The following LVRN variants were observed in gnomAD, a reference collection of about 807,000 sequenced individuals.
The protein encoded by LVRN is laeverin.
LVRN carries 99 observed loss-of-function variants against 111.4 expected under a neutral mutation model. The ratio of observed to expected loss-of-function variants is 0.89; its 90% CI spans 0.76 to 1.05. LVRN has a LOEUF of 1.05. LVRN is among the 50% of genes least tolerant of loss of function. The pLI, the probability that LVRN is intolerant of heterozygous loss-of-function variation, is 0.00. For missense variants in LVRN, 1,414 were observed against 1,206.8 expected (o/e 1.17, Z -2.54); for synonymous variants, 488 against 449.5 (o/e 1.09, Z -1.08).
chr5:115,979,870 G>A (rs904434686), intron 1 of LVRN, among the ~76,000 whole-genome samples: 1 of 152,156 alleles, frequency 6.6e-6, no homozygotes, highest in East Asian at 1.9e-4. Flanking sequence ...GACATACAAA[G>A]TTCATAAAAT....
intron 18 of LVRN, among the ~76,000 whole-genome samples, chr5:116,016,507 T>C (rs1443139113): frequency 6.6e-6 from 1 of 152,204 alleles, no homozygotes; most frequent in Non-Finnish European, 1.5e-5. Context: ...AGTTAGCACT[T>C]AGTTTTTCTG....
intron 6 of LVRN, among the ~76,000 whole-genome samples, chr5:115,994,425 AC>A (rs10713418): frequency 0.16 from 24,751 of 151,984 alleles, 2,255 homozygotes; most frequent in East Asian, 0.41. Flanking sequence ...GGCATGTGCC[AC>A]CATGCCTAGA....
rs748241080 is a variant in LVRN at position 115,962,486 on chromosome 5, G to T, written c.-132G>T. 2 of 815,150 alleles carry T rather than the reference G, an allele frequency of 2.5e-6. No homozygotes were observed. The highest frequency in any genetic ancestry group is 3.9e-6 in the Non-Finnish European group (2 of 506,982). 50.5% of individuals were successfully genotyped at this position (815,150 alleles called of 1,614,324 possible). A position where few individuals can be genotyped will look rare whatever the true frequency, so the allele number is the denominator to read the frequency against. On this transcript the variant is annotated 5_prime_UTR_variant, in exon 1 of 20. Transcript: ENST00000357872. The stretch of plus-strand genomic sequence containing the variant: ...GTCTGCTGAGCTCCAGTCCGTCCAG[G>T]CTCTTCCAGGAGGAAGAGGCACGAT...
In LVRN at chr5:116,012,364, T is replaced by C. The variant is rs1467552309; in HGVS notation, c.2248-10T>C. The C allele has an allele frequency of 7.3e-6, 10 of 1,370,838 alleles. No homozygotes were observed. Among genetic ancestry groups the C allele is most frequent in the Non-Finnish European group, 1.0e-5 (10 of 977,178 alleles). The allele number at this position is 1,370,838 out of a possible 1,614,324, so 84.9% of individuals were successfully genotyped here. ...CAGAACTAACAGTGTATTTTCTTTA[T>C]TGTTTATAGAGGTACCTATTAAAGA... On this transcript the variant is annotated splice_polypyrimidine_tract_variant and intron_variant, in intron 14 of 19. Coordinates refer to ENST00000357872, the MANE Select transcript of LVRN (RefSeq NM_173800.5).
In LVRN at chr5:115,993,776, C is replaced by T. The variant is rs756481757; in HGVS notation, c.1296C>T (p.Asn432=). The T allele has an allele frequency of 1.2e-6, 2 of 1,609,972 alleles. No homozygotes were observed. Among genetic ancestry groups the T allele is most frequent in the Non-Finnish European group, 8.5e-7 (1 of 1,178,900 alleles). ...FGNLVTMNWW[N]NIWLNEGFAS... The stretch of plus-strand genomic sequence containing the variant: ...ACTTGGTTACCATGAATTGGTGGAA[C>T]AATATCTGGCTCAACGAGGGTTTTG... Residue 432 remains asparagine, a synonymous_variant, in exon 6 of 20, where the codon AAC becomes AAT. Coordinates refer to ENST00000357872, the MANE Select transcript of LVRN (RefSeq NM_173800.5).
At chr5:116,003,465 G>T in intron 12 of LVRN, 85 bp downstream of exon 12, 1 of 909,964 alleles carries the variant, frequency 1.1e-6, no homozygotes. Flanking sequence ...CTGGTGGGAA[G>T]AGATTCCACC....
At chr5:116,015,142 C>T (rs970480409) in intron 16 of LVRN, 110 bp from the exon 17 acceptor site, 20 of 878,634 alleles carry the variant, frequency 2.3e-5, no homozygotes, top group Non-Finnish European at 3.1e-5. Context: ...TACTTTTGAC[C>T]TTTATATCTG....
chr5:115,997,902 G>T (rs1748153441), intron 6 of LVRN, among the ~76,000 whole-genome samples: 1 of 152,190 alleles, frequency 6.6e-6, no homozygotes, highest in Non-Finnish European at 1.5e-5. Flanking sequence ...TGTTGAGGAA[G>T]AGGTGTTTGC....
intron 10 of LVRN, among the ~76,000 whole-genome samples, chr5:116,001,826 G>T (rs950989280): frequency 1.3e-5 from 2 of 152,154 alleles, no homozygotes; most frequent in Admixed American, 1.3e-4. Context: ...TTTAAGCTCT[G>T]TGAGTTTCAG....
At chr5:115,997,567 A>C (rs141910326) in intron 6 of LVRN, among the ~76,000 whole-genome samples, 265 of 151,960 alleles carry the variant, frequency 1.7e-3, no homozygotes, top group African/African-American at 6.1e-3. Flanking sequence ...AGGAGGCTGC[A>C]GTGAGAGGAT....
chr5:115,998,369 G>C (rs1239909162), intron 6 of LVRN, among the ~76,000 whole-genome samples: 1 of 152,026 alleles, frequency 6.6e-6, no homozygotes, highest in African/African-American at 2.4e-5. Flanking sequence ...ATAAAGATGA[G>C]GTAGCAAAAT....
At chr5:115,993,298 C>T (rs575237174) in intron 5 of LVRN, among the ~76,000 whole-genome samples, 5 of 151,642 alleles carry the variant, frequency 3.3e-5, no homozygotes, top group Non-Finnish European at 7.4e-5. Context: ...TGGCACAGAT[C>T]AAATTATTTT....
At chr5:115,996,368 A>T (rs1748112635) in intron 6 of LVRN, among the ~76,000 whole-genome samples, 1 of 151,978 alleles carries the variant, frequency 6.6e-6, no homozygotes, top group African/African-American at 2.4e-5. Flanking sequence ...CCTTTTAATT[A>T]TTTCTTTTTA....
At position 115,971,517 on chromosome 5, in the gene LVRN, G is replaced by C. The variant is rs997755605; in HGVS notation, c.695+8205G>C. ...CATATGGTGTGAGGTATGGATTAAA[G>C]AGTTTTTTTGCCTATGGACATTCAA... On this transcript the variant is annotated intron_variant, in intron 1 of 19. Transcript: ENST00000357872. 2.0e-5 allele frequency among the ~76,000 whole-genome samples: 3 copies of C among 152,076 alleles called. No individual in the cohort carries two copies. The East Asian group carries it at 5.8e-4, about 29-fold the overall frequency.
chr5:115,992,090 AT>A (rs1299322860), intron 4 of LVRN, 32 bp from the exon 5 acceptor site: 1 of 1,552,482 alleles, frequency 6.4e-7, no homozygotes, highest in Non-Finnish European at 8.7e-7. Context: ...GGAAAAGATT[AT>A]TTTATTTTCT....
Position 116,006,367 on chromosome 5 carries a change from A to G in LVRN, c.2093+400A>G. On this transcript the variant is annotated intron_variant, in intron 13 of 19. Coordinates refer to ENST00000357872, the MANE Select transcript of LVRN (RefSeq NM_173800.5). The stretch of plus-strand genomic sequence containing the variant: ...AATAAAATTAAGGAATATATGTAAT[A>G]CATTATCTAGTATTTTTTCTCTTTC... Among the ~76,000 whole-genome samples, 2 of 152,188 alleles carry G rather than the reference A, an allele frequency of 1.3e-5. 1 individual carries two copies. Among genetic ancestry groups the G allele is most frequent in the Non-Finnish European group, 2.9e-5 (2 of 68,030 alleles).
At chr5:116,017,278 G>A (rs1182590225) in intron 18 of LVRN, among the ~76,000 whole-genome samples, 1 of 152,192 alleles carries the variant, frequency 6.6e-6, no homozygotes, top group Admixed American at 6.5e-5. Flanking sequence ...TCAGAGAGAA[G>A]GACAGGGGTT....
intron 5 of LVRN, 63 bp downstream of exon 5, chr5:115,992,340 A>G (rs974675019): frequency 2.5e-6 from 4 of 1,583,934 alleles, no homozygotes; most frequent in Non-Finnish European, 2.6e-6. Flanking sequence ...CTACCAAAAT[A>G]GCATAAAAAC....
chr5:116,023,104 A>G (rs1748790361), intron 19 of LVRN, among the ~76,000 whole-genome samples: 1 of 152,274 alleles, frequency 6.6e-6, no homozygotes, highest in South Asian at 2.1e-4. Flanking sequence ...TCCTGCTCCT[A>G]TTACCTATTC....
Sources: gnomAD v4.1 joint callset for allele counts (sites outside exome capture counted in the v4.1 genomes callset) on GRCh38, gnomAD v4.1.1 for gene constraint, MANE v1.5 for transcripts, NCBI Gene and HGNC (gene_info 2026-07-23, HGNC 2026-07-21) for gene names.